AGO2: variants seen among roughly 807,000 people sequenced by gnomAD.
The protein encoded by AGO2 is argonaute RISC catalytic component 2.
A neutral mutation model predicts 102.3 loss-of-function variants in AGO2; 5 were observed. The ratio of observed to expected loss-of-function variants is 0.05; its 90% CI spans 0.03 to 0.10. The LOEUF is 0.10. Among genes scored for constraint, AGO2 ranks in the 10% least tolerant of loss-of-function variants. AGO2 has a pLI of 1.00. For missense variants in AGO2, 541 were observed against 1,183.7 expected, an observed-to-expected ratio of 0.46 and a Z score of 7.97; for synonymous variants, 449 against 473.1, an observed-to-expected ratio of 0.95 and a Z score of 0.66.
Position 140,541,328 on chromosome 8 carries a change from G to A in AGO2, c.1870C>T (p.Arg624Cys), listed in dbSNP as rs1196970558. 2.5e-6 allele frequency: 4 copies of A among 1,610,780 alleles called. No individual in the cohort carries two copies. The highest frequency in any genetic ancestry group is 2.2e-5 in the East Asian group (1 of 44,844). Residue 624 changes from arginine (R) to cysteine (C), a missense_variant, in exon 15 of 19, where the codon CGC (arginine) becomes TGC (cysteine). Physicochemically the swap from Arg to Cys is radical, Grantham distance 180. Transcript: ENST00000220592. ...VVGSMDAHPN[R>C]YCATVRVQQH... ...TGCACGCGCACGGTGGCGCAGTAGC[G>A]ATTGGGGTGGGCGTCCATGCTGCCC...
chr8:140,560,340 T>C (rs780570263), intron 5 of AGO2, 34 bp downstream of exon 5: 2 of 1,603,896 alleles, frequency 1.2e-6, no homozygotes, highest in African/African-American at 2.7e-5. Flanking sequence ...TGCCCAACCC[T>C]GCCCTGCAGT....
At chr8:140,585,657 C>T (rs1015512698) in intron 1 of AGO2, among the ~76,000 whole-genome samples, 2 of 152,144 alleles carry the variant, frequency 1.3e-5, no homozygotes, top group African/African-American at 4.8e-5. Context: ...TTAAACCGCT[C>T]GTTTACTCAG....
At chr8:140,607,669 G>A (rs1315434973) in intron 1 of AGO2, among the ~76,000 whole-genome samples, 1 of 151,834 alleles carries the variant, frequency 6.6e-6, no homozygotes, top group Non-Finnish European at 1.5e-5. Context: ...ATTGTTAGGC[G>A]AAAGAAGCCA....
rs1180865235 is a variant in AGO2 at position 140,527,790 on chromosome 8, T to C, written c.*4254A>G. On this transcript the variant is annotated 3_prime_UTR_variant, in exon 19 of 19. Transcript: ENST00000220592. This position sits in a 1 kb window ranked among gnomAD's most constrained non-coding sequence, Gnocchi z 6.0. ...TCACAGGAAAATGTCGTATGGCTTG[T>C]CTGGGCCACTGGGATTGTCCACTGT... The C allele has an allele frequency of 6.6e-6, 1 of 152,290 alleles. No individual in the cohort carries two copies. The highest frequency in any genetic ancestry group is 6.5e-5 in the Admixed American group (1 of 15,292). The allele number at this position is 152,290 out of a possible 1,614,324, so 9.4% of individuals were successfully genotyped here. A position where few individuals can be genotyped will look rare whatever the true frequency, so the allele number is the denominator to read the frequency against.
At chr8:140,558,722 C>T in intron 6 of AGO2, 150 bp from the exon 7 acceptor site, 1 of 742,174 alleles carries the variant, frequency 1.3e-6, no homozygotes, top group South Asian at 1.8e-5. Context: ...ACCCACAGGT[C>T]ACCCCCAGGC....
chr8:140,596,529 G>A (rs917306196), intron 1 of AGO2, among the ~76,000 whole-genome samples: 2 of 152,250 alleles, frequency 1.3e-5, no homozygotes, highest in Non-Finnish European at 2.9e-5. Context: ...GTTGCAGTGA[G>A]CTGAGATGGC....
intron 1 of AGO2, among the ~76,000 whole-genome samples, chr8:140,596,037 T>C (rs1259192210): frequency 7.1e-6 from 1 of 141,516 alleles, no homozygotes; most frequent in African/African-American, 2.7e-5. Flanking sequence ...ATTATAGAGA[T>C]GGAGCCCTCC....
At chr8:140,636,008 C>T (rs1212463778), upstream of AGO2, among the ~76,000 whole-genome samples, 1 of 150,686 alleles carries the variant, frequency 6.6e-6, no homozygotes, top group East Asian at 2.0e-4. Flanking sequence ...AGCCGGGCCC[C>T]CCGGCTGTGC....
chr8:140,577,646 C>T (rs527448890), intron 2 of AGO2, among the ~76,000 whole-genome samples: 5 of 152,280 alleles, frequency 3.3e-5, no homozygotes, highest in African/African-American at 9.6e-5. Context: ...GCAGAGAGCT[C>T]GGGACAGAGC....
At chr8:140,553,852 C>T (rs1003288727) in intron 10 of AGO2, among the ~76,000 whole-genome samples, 5 of 152,248 alleles carry the variant, frequency 3.3e-5, no homozygotes, top group African/African-American at 9.6e-5. Context: ...GCGCATGCCA[C>T]CATGCCCAGC....
At chr8:140,635,975 G>A (rs571563393), upstream of AGO2, among the ~76,000 whole-genome samples, 366 of 150,224 alleles carry the variant, frequency 2.4e-3, 4 homozygotes, top group African/African-American at 8.4e-3. Flanking sequence ...ACCCAGAGAA[G>A]CCGCGTCTTC....
chr8:140,596,420 C>T (rs1179452970), intron 1 of AGO2, among the ~76,000 whole-genome samples: 1 of 152,108 alleles, frequency 6.6e-6, no homozygotes, highest in East Asian at 1.9e-4. Flanking sequence ...CCCGTCTCTA[C>T]TAAAAATACA....
intron 17 of AGO2, among the ~76,000 whole-genome samples, chr8:140,533,853 T>C (rs1030219987): frequency 2.0e-5 from 3 of 152,070 alleles, no homozygotes; most frequent in African/African-American, 7.2e-5. Flanking sequence ...AGTAACATTG[T>C]AGAAGTGAGA....
intron 13 of AGO2, among the ~76,000 whole-genome samples, chr8:140,546,669 AG>A (rs1331717883): frequency 2.0e-5 from 3 of 152,252 alleles, no homozygotes; most frequent in African/African-American, 7.2e-5. Context: ...TCCACGCCAC[AG>A]GGGCTGCCTA....
intron 1 of AGO2, 89 bp downstream of exon 1, chr8:140,635,396 C>T (rs2074394054): frequency 2.2e-6 from 2 of 895,884 alleles, no homozygotes; most frequent in Admixed American, 6.4e-5. Context: ...GCCCCCCGAT[C>T]CCCGGCCCCT....
At chr8:140,566,415 T>C (rs2073284873) in intron 3 of AGO2, among the ~76,000 whole-genome samples, 1 of 152,262 alleles carries the variant, frequency 6.6e-6, no homozygotes, top group Non-Finnish European at 1.5e-5. Context: ...AATTGGCTAA[T>C]ACAGCACCAT....
At chr8:140,559,972 C>T (rs185116045) in intron 5 of AGO2, among the ~76,000 whole-genome samples, 5 of 151,578 alleles carry the variant, frequency 3.3e-5, no homozygotes, top group South Asian at 2.1e-4. Context: ...AGATCCTTTT[C>T]GCTGGCCTTC....
At chr8:140,613,629 C>A (rs796102762) in intron 1 of AGO2, among the ~76,000 whole-genome samples, 2 of 152,256 alleles carry the variant, frequency 1.3e-5, no homozygotes, top group African/African-American at 4.8e-5. Flanking sequence ...GAGGTTTCTT[C>A]AGGAATAACG....
Position 140,530,317 on chromosome 8 carries a change from G to C in AGO2, c.*1727C>G, listed in dbSNP as rs554983246. ...CAGCTGAGCACAAAGGTGGGGGGGG[G>C]GGTGCCGCTGAGCAGGAGGCAGCTC... On this transcript the variant is annotated 3_prime_UTR_variant, in exon 19 of 19. Transcript: ENST00000220592. 3 of 152,348 alleles carry C rather than the reference G, an allele frequency of 2.0e-5. No individual in the cohort carries two copies. The South Asian group carries it at 6.2e-4, about 32-fold the overall frequency. The allele number at this position is 152,348 out of a possible 1,614,324, so 9.4% of individuals were successfully genotyped here. A position where few individuals can be genotyped will look rare whatever the true frequency, so the allele number is the denominator to read the frequency against.
Sources: gnomAD v4.1 joint callset for allele counts (sites outside exome capture counted in the v4.1 genomes callset) on GRCh38, gnomAD v4.1.1 for gene constraint, Gnocchi (gnomAD v3.1) non-coding constraint, MANE v1.5 for transcripts, NCBI Gene and HGNC (gene_info 2026-07-23, HGNC 2026-07-21) for gene names.